Variants in CEP85L observed in about 807,000 individuals in gnomAD.
The protein encoded by CEP85L is centrosomal protein of 85 kDa-like.
In CEP85L, 60 loss-of-function variants were observed where a neutral mutation model predicts 100.3. The ratio of observed to expected loss-of-function variants is 0.60; its 90% CI spans 0.49 to 0.74. CEP85L has a LOEUF of 0.74. CEP85L is among the 30% of genes least tolerant of loss of function. CEP85L has a pLI of 0.00. For missense variants in CEP85L, 973 were observed against 936.2 expected, an observed-to-expected ratio of 1.04 and a Z score of -0.51; for synonymous variants, 319 against 322.7, an observed-to-expected ratio of 0.99 and a Z score of 0.12.
chr6:118,595,556 A>G (rs1212282886), intron 2 of CEP85L, among the ~76,000 whole-genome samples: 1 of 152,194 alleles, frequency 6.6e-6, no homozygotes, highest in African/African-American at 2.4e-5. Flanking sequence ...ATAAATATAT[A>G]TAAGTGAATA....
chr6:118,582,540 G>A (rs1780633487), intron 2 of CEP85L, among the ~76,000 whole-genome samples: 1 of 152,196 alleles, frequency 6.6e-6, no homozygotes, highest in Non-Finnish European at 1.5e-5. Flanking sequence ...CCACTAGGAA[G>A]GGAAGCAGTT....
Sources: gnomAD v4.1 joint callset for allele counts (sites outside exome capture counted in the v4.1 genomes callset) on GRCh38, gnomAD v4.1.1 for gene constraint, MANE v1.5 for transcripts, NCBI Gene and HGNC (gene_info 2026-07-23, HGNC 2026-07-21) for gene names.